Variants in RNF214 observed in about 807,000 individuals in gnomAD.
RNF214 encodes ring finger protein 214.
RNF214 carries 25 observed loss-of-function variants against 75.9 expected under a neutral mutation model. The ratio of observed to expected loss-of-function variants is 0.33; its 90% CI spans 0.24 to 0.46. The LOEUF (loss-of-function observed/expected upper bound fraction) is 0.46, where lower values mean the gene tolerates loss of function less well. RNF214 is among the 20% of genes least tolerant of loss of function. The pLI is 1.00. For synonymous variants in RNF214, 314 were observed against 308.8 expected, an observed-to-expected ratio of 1.02 and a Z score of -0.18; for missense variants, 725 against 857.5, an observed-to-expected ratio of 0.85 and a Z score of 1.93.
intron 6 of RNF214, among the ~76,000 whole-genome samples, chr11:117,267,309 C>T (rs1408588624): frequency 2.6e-5 from 4 of 152,038 alleles, no homozygotes; most frequent in African/African-American, 7.2e-5. Context: ...AAATCTTTGC[C>T]CAACCCAAGA....
chr11:117,256,563 C>T (rs1444628060), intron 6 of RNF214, among the ~76,000 whole-genome samples: 1 of 152,178 alleles, frequency 6.6e-6, no homozygotes, highest in Admixed American at 6.5e-5. Flanking sequence ...CTCATTCTCA[C>T]TCTTGCCATA....
chr11:117,262,430 G>A (rs954933530), intron 6 of RNF214, among the ~76,000 whole-genome samples: 1 of 151,932 alleles, frequency 6.6e-6, no homozygotes, highest in African/African-American at 2.4e-5. Context: ...GCCCAGGCTG[G>A]GATGCAGTGA....
At chr11:117,255,067 C>T (rs751534595) in intron 6 of RNF214, among the ~76,000 whole-genome samples, 1 of 152,164 alleles carries the variant, frequency 6.6e-6, no homozygotes, top group Non-Finnish European at 1.5e-5. Flanking sequence ...AAGGTTTCAC[C>T]ATGTTGGCCA....
chr11:117,250,606 TTTA>T (rs749604870), intron 6 of RNF214, among the ~76,000 whole-genome samples: 109 of 10,148 alleles, frequency 0.011, no homozygotes, highest in African/African-American at 0.013. Flanking sequence ...TATTTATTTA[TTTA>T]TTTTTTTTTT....
chr11:117,244,468 C>A lies in RNF214; in HGVS notation c.702C>A (p.Thr234=). Residue 234 remains threonine (T), a synonymous_variant, in exon 5 of 15, where the codon ACC becomes ACA. Transcript: ENST00000300650. ...AGGATAAAATGATGACAGAGAGAACCCTGTTGAAAGAGCGTTACCAGGAGG... is the reference window on the plus strand; with the variant it reads ...AGGATAAAATGATGACAGAGAGAACACTGTTGAAAGAGCGTTACCAGGAGG... ...KNLDKMMTER[T]LLKERYQEVL... is the part of the protein sequence containing the mutation. 6.2e-7 allele frequency: 1 copy of A among 1,610,388 alleles called. No homozygotes were observed. Among genetic ancestry groups the A allele is most frequent in the Non-Finnish European group, 8.5e-7 (1 of 1,178,402 alleles).
intron 6 of RNF214, among the ~76,000 whole-genome samples, chr11:117,272,301 C>T (rs1036944686): frequency 1.1e-4 from 17 of 152,144 alleles, no homozygotes; most frequent in East Asian, 1.9e-4. Context: ...GTAGACTTTC[C>T]GTGTGTTAAT....
chr11:117,249,756 G>A (rs2033320790), intron 6 of RNF214, among the ~76,000 whole-genome samples: 1 of 152,132 alleles, frequency 6.6e-6, no homozygotes, highest in Non-Finnish European at 1.5e-5. Context: ...CATGGCTTTT[G>A]TGCTATGCAT....
chr11:117,279,925 A>G lies in RNF214; in HGVS notation c.977A>G (p.Glu326Gly), dbSNP rs1352212974. Residue 326 changes from glutamate to glycine, a missense_variant, in exon 7 of 15, where the codon GAA (glutamate) becomes GGA (glycine). Glu to Gly is a moderately conservative substitution (Grantham distance 98). This residue lies in a region of RNF214 where 363 missense variants were observed against 513.0 expected (regional missense o/e 0.71). Transcript: ENST00000300650. ...EKGRREVWEM[E>G]LDRLKNQDGE... ...TCTTACAGAGAGGTGTGGGAAATGGAACTGGATAGACTCAAGAATCAGGAT... is the reference window on the plus strand; with the variant it reads ...TCTTACAGAGAGGTGTGGGAAATGGGACTGGATAGACTCAAGAATCAGGAT... The G allele has an allele frequency of 1.2e-6, 2 of 1,612,128 alleles. No homozygotes were observed. The highest frequency in any genetic ancestry group is 1.7e-6 in the Non-Finnish European group (2 of 1,178,968).
intron 6 of RNF214, among the ~76,000 whole-genome samples, chr11:117,266,346 GA>G (rs2033796522): frequency 6.6e-6 from 1 of 151,974 alleles, no homozygotes; most frequent in Non-Finnish European, 1.5e-5. Flanking sequence ...CCAAACTTAT[GA>G]AATTTTCTTT....
intron 6 of RNF214, among the ~76,000 whole-genome samples, chr11:117,259,284 A>G (rs1407773204): frequency 3.9e-5 from 6 of 152,142 alleles, no homozygotes; most frequent in Non-Finnish European, 1.5e-5. Context: ...TCCTCTTACT[A>G]ATGTATTGGA....
Position 117,236,061 on chromosome 11 carries a change from A to G in RNF214, c.107+1682A>G, listed in dbSNP as rs559856340. Reference sequence around the variant, plus strand: ...CTGCGACCTCTGCCTCCCGGGTTCAAGTGATTCTCCTGCCTCAGCCTCCCT... The same window carrying G: ...CTGCGACCTCTGCCTCCCGGGTTCAGGTGATTCTCCTGCCTCAGCCTCCCT... On this transcript the variant is annotated intron_variant, in intron 2 of 14. Coordinates refer to ENST00000300650, the MANE Select transcript of RNF214 (RefSeq NM_207343.4). 3.3e-5 allele frequency among the ~76,000 whole-genome samples: 5 copies of G among 151,384 alleles called. No homozygotes were observed. The South Asian group carries it at 1.0e-3, about 32-fold the overall frequency.
chr11:117,273,007 A>G (rs2033943304), intron 6 of RNF214, among the ~76,000 whole-genome samples: 1 of 152,184 alleles, frequency 6.6e-6, no homozygotes, highest in Admixed American at 6.5e-5. Context: ...TAATAAACCT[A>G]TGTGTTAAAT....
At chr11:117,278,070 C>T (rs888498166) in intron 6 of RNF214, among the ~76,000 whole-genome samples, 5 of 151,780 alleles carry the variant, frequency 3.3e-5, no homozygotes, top group South Asian at 2.1e-4. Flanking sequence ...TTTGGGAGGC[C>T]GAGGCGGGTG....
chr11:117,270,243 T>TTC (rs2033881501), intron 6 of RNF214, among the ~76,000 whole-genome samples: 1 of 84,440 alleles, frequency 1.2e-5, no homozygotes, highest in Non-Finnish European at 2.3e-5. Flanking sequence ...TTTCTTTTCT[T>TTC]TTTTTTTTTT....
intron 6 of RNF214, among the ~76,000 whole-genome samples, chr11:117,268,814 A>G (rs1591835667): frequency 6.6e-6 from 1 of 152,348 alleles, no homozygotes; most frequent in East Asian, 1.9e-4. Flanking sequence ...CTTCTGATTC[A>G]TGAACATGGA....
Position 117,281,391 on chromosome 11 carries a change from A to T in RNF214, c.1223A>T (p.Lys408Ile), listed in dbSNP as rs1281055959. ...ETRLNGVRIM[K>I]KNVRDQFNSH... ...AGACTGAATGGAGTTCGGATAATGA[A>T]AAAGAATGTTCGTGTAAGTGTATCT... Residue 408 changes from lysine (K) to isoleucine (I), a missense_variant, in exon 9 of 15, where the codon AAA (lysine) becomes ATA (isoleucine). Physicochemically the swap from Lys to Ile is moderately radical, Grantham distance 102. Coordinates refer to ENST00000300650, the MANE Select transcript of RNF214 (RefSeq NM_207343.4). 6.2e-7 allele frequency: 1 copy of T among 1,611,524 alleles called. No individual in the cohort carries two copies. The highest frequency in any genetic ancestry group is 8.5e-7 in the Non-Finnish European group (1 of 1,177,866).
chr11:117,245,515 A>G (rs1294020493), intron 5 of RNF214, among the ~76,000 whole-genome samples: 1 of 150,370 alleles, frequency 6.7e-6, no homozygotes. Context: ...AATTTTTTGT[A>G]TTTTTTTTAA....
intron 1 of RNF214, among the ~76,000 whole-genome samples, chr11:117,233,170 C>T (rs888417889): frequency 3.9e-5 from 6 of 152,352 alleles, no homozygotes; most frequent in African/African-American, 1.4e-4. Context: ...GCCACGGGCT[C>T]TCTAGCCACG....
At chr11:117,240,010 T>C (rs2033026929) in intron 4 of RNF214, 150 bp downstream of exon 4, 1 of 589,368 alleles carries the variant, frequency 1.7e-6, no homozygotes, top group South Asian at 2.1e-5. Context: ...CTTCCAAAGA[T>C]GGGAAGCTTA....
Sources: allele counts gnomAD v4.1 joint callset (sites outside exome capture counted in the v4.1 genomes callset), GRCh38; gene constraint gnomAD v4.1.1; regional missense constraint gnomAD v4.1.1; transcripts MANE v1.5; gene names NCBI Gene and HGNC (gene_info 2026-07-23, HGNC 2026-07-21).